RPS6KA3: variants seen among roughly 807,000 people sequenced by gnomAD.
RPS6KA3 encodes the protein ribosomal protein S6 kinase A3, also known as ribosomal protein S6 kinase alpha-3.
A neutral mutation model predicts 67.2 loss-of-function variants in RPS6KA3; 4 were observed. That is an observed-to-expected ratio of 0.06 (90% CI 0.03 to 0.14). The LOEUF is 0.14. Ranked by LOEUF, RPS6KA3 falls within the 10% of genes least tolerant of loss-of-function variation. The pLI is 1.00. For missense variants in RPS6KA3, 204 were observed against 559.0 expected (o/e 0.36, Z 6.40); for synonymous variants, 182 against 183.7 (o/e 0.99, Z 0.07).
intron 4 of RPS6KA3, among the ~76,000 whole-genome samples, chrX:20,200,621 A>G (rs2068402979): frequency 8.9e-6 from 1 of 111,770 alleles, no homozygotes. Context: ...TTTATTTAAG[A>G]TACTTTATTT....
intron 1 of RPS6KA3, among the ~76,000 whole-genome samples, chrX:20,240,290 T>C (rs2069518888): frequency 1.1e-5 from 1 of 92,137 alleles, no homozygotes; most frequent in Admixed American, 1.3e-4. Flanking sequence ...CCATACTTTT[T>C]TTTTTTTTTT....
At position 20,205,015 on chromosome X, in the gene RPS6KA3, C is replaced by T. The variant is rs191907354; in HGVS notation, c.244-912G>A. 4.7e-4 allele frequency among the ~76,000 whole-genome samples: 53 copies of T among 112,301 alleles called. No individual in the cohort carries two copies. In the East Asian group the frequency reaches 0.01, roughly 21 times the overall value. ...TGTGACTTAAGTTAGAACCCACCTC[C>T]CCACCTTTTTATGGTCAAATTATCA... is the stretch of plus-strand genomic sequence containing the variant. On this transcript the variant is annotated intron_variant, in intron 3 of 21. Transcript: ENST00000379565.
chrX:20,186,226 G>A (rs1293510989), intron 10 of RPS6KA3, 70 bp downstream of exon 10: 1 of 747,747 alleles, frequency 1.3e-6, no homozygotes, highest in Non-Finnish European at 2.1e-6. Context: ...ACAGGCATGA[G>A]CCACAGCGCC....
intron 2 of RPS6KA3, among the ~76,000 whole-genome samples, chrX:20,211,605 A>C (rs929654445): frequency 9.0e-6 from 1 of 111,188 alleles, no homozygotes; most frequent in African/African-American, 3.3e-5. Flanking sequence ...ACCTACACAC[A>C]CAATATTTGT....
chrX:20,176,092 A>G (rs1262853747), intron 13 of RPS6KA3, among the ~76,000 whole-genome samples, 158 bp downstream of exon 13: 1 of 111,733 alleles, frequency 8.9e-6, no homozygotes, highest in African/African-American at 3.3e-5. Flanking sequence ...GCTGGTCTCC[A>G]ACTCCTGGCC....
At chrX:20,249,337 C>A (rs2069796177) in intron 1 of RPS6KA3, among the ~76,000 whole-genome samples, 1 of 111,959 alleles carries the variant, frequency 8.9e-6, no homozygotes, top group South Asian at 3.7e-4. Flanking sequence ...TCCAGGAGTA[C>A]AACTGCTGGA....
chrX:20,244,288 G>C (rs779306351), intron 1 of RPS6KA3, among the ~76,000 whole-genome samples: 13 of 111,487 alleles, frequency 1.2e-4, no homozygotes, highest in Non-Finnish European at 2.4e-4. Flanking sequence ...CTCAGCCTCC[G>C]AAAGTGCTAG....
intron 3 of RPS6KA3, among the ~76,000 whole-genome samples, chrX:20,207,323 C>T (rs1202599914): frequency 1.8e-5 from 2 of 111,632 alleles, no homozygotes; most frequent in African/African-American, 6.5e-5. Flanking sequence ...TTCTAAATTG[C>T]TTAATGAGAG....
intron 17 of RPS6KA3, 37 bp from the exon 18 acceptor site, chrX:20,165,097 T>C (rs2067400112): frequency 1.9e-6 from 2 of 1,051,078 alleles, no homozygotes; most frequent in East Asian, 3.0e-5. Flanking sequence ...ATGTTAACAA[T>C]ATATTTCCAT....
chrX:20,233,960 G>A (rs907144103), intron 2 of RPS6KA3, among the ~76,000 whole-genome samples: 3 of 111,845 alleles, frequency 2.7e-5, no homozygotes, highest in African/African-American at 9.8e-5. Context: ...TGGTGGTAGG[G>A]AACAATTTAT....
At chrX:20,175,962 C>G (rs1208370746) in intron 13 of RPS6KA3, among the ~76,000 whole-genome samples, 1 of 111,248 alleles carries the variant, frequency 9.0e-6, no homozygotes, top group Non-Finnish European at 1.9e-5. Flanking sequence ...CCTCCACCTC[C>G]CAGGTTCAAG....
In RPS6KA3 at chrX:20,189,806, A is replaced by G. The variant is rs554755980; in HGVS notation, c.594-1272T>C. 1.2e-4 allele frequency among the ~76,000 whole-genome samples: 13 copies of G among 112,492 alleles called. No homozygotes were observed. The Middle Eastern group carries it at 0.014, about 120-fold the overall frequency. On this transcript the variant is annotated intron_variant, in intron 7 of 21. Transcript: ENST00000379565. ...TCAAACTTTGTTATAAAATTTTACT[A>G]TAACAAAAATATTACCAATCTTTCT...
chrX:20,240,285 CTTTTTTTTTTTTTTT>C (rs778713587), intron 1 of RPS6KA3, among the ~76,000 whole-genome samples: 2 of 54,385 alleles, frequency 3.7e-5, no homozygotes, highest in East Asian at 5.9e-4. Context: ...AAGGACCATA[CTTTTTTTTTTTTTTT>C]TTTTTTTTTT....
At chrX:20,266,917 C>T, upstream of RPS6KA3, 1 of 658,911 alleles carries the variant, frequency 1.5e-6, no homozygotes, top group Non-Finnish European at 1.8e-6. Context: ...TCTTCCTCTC[C>T]TCCTTCCGCC....
intron 2 of RPS6KA3, among the ~76,000 whole-genome samples, chrX:20,215,417 T>C (rs1457218190): frequency 9.0e-6 from 1 of 111,198 alleles, no homozygotes; most frequent in Non-Finnish European, 1.9e-5. Flanking sequence ...TGTGGCAAGT[T>C]TGGCATTGGC....
intron 15 of RPS6KA3, among the ~76,000 whole-genome samples, chrX:20,171,031 G>A (rs1449490835): frequency 9.0e-6 from 1 of 111,718 alleles, no homozygotes; most frequent in African/African-American, 3.2e-5. Context: ...CTCCCACCTC[G>A]GCCTCCCAAA....
intron 16 of RPS6KA3, among the ~76,000 whole-genome samples, chrX:20,168,848 T>A (rs1046488142): frequency 1.3e-4 from 15 of 111,879 alleles, no homozygotes; most frequent in Non-Finnish European, 2.6e-4. Context: ...TGTTGAATTT[T>A]GTTTTGTTTT....
intron 20 of RPS6KA3, among the ~76,000 whole-genome samples, chrX:20,160,001 C>T (rs2067270111): frequency 8.9e-6 from 1 of 111,843 alleles, no homozygotes; most frequent in African/African-American, 3.3e-5. Flanking sequence ...AGCCTGGAGG[C>T]ATTCTGCTAT....
At position 20,232,184 on chromosome X, in the gene RPS6KA3, G is replaced by T. The variant is rs192762705; in HGVS notation, c.126+2574C>A. 3.8e-4 allele frequency among the ~76,000 whole-genome samples: 42 copies of T among 111,975 alleles called. 1 individual carries two copies. In the Admixed American group the frequency reaches 3.8e-3, roughly 10 times the overall value. Reference sequence around the variant, plus strand: ...CAAAAAACACCAAAAAACTATAAAAGATCAAAATGTAAAAGGATTATTTTT... The same window carrying T: ...CAAAAAACACCAAAAAACTATAAAATATCAAAATGTAAAAGGATTATTTTT... On this transcript the variant is annotated intron_variant, in intron 2 of 21. Transcript: ENST00000379565.
Sources: gnomAD v4.1 joint callset for allele counts (sites outside exome capture counted in the v4.1 genomes callset) on GRCh38, gnomAD v4.1.1 for gene constraint, MANE v1.5 for transcripts, NCBI Gene and HGNC (gene_info 2026-07-23, HGNC 2026-07-21) for gene names.